The following PTPRD variants were observed in gnomAD, a reference collection of about 807,000 sequenced individuals.
PTPRD encodes the protein receptor-type tyrosine-protein phosphatase delta.
In PTPRD, 34 loss-of-function variants were observed where a neutral mutation model predicts 214.5. The ratio of observed to expected loss-of-function variants is 0.16; its 90% CI spans 0.12 to 0.21. The LOEUF (loss-of-function observed/expected upper bound fraction) is 0.21, where lower values mean the gene tolerates loss of function less well. Among genes scored for constraint, PTPRD ranks in the 10% least tolerant of loss-of-function variants. PTPRD has a pLI of 1.00. For synonymous variants in PTPRD, 1,128 were observed against 845.7 expected (o/e 1.33, Z -5.79); for missense variants, 2,545 against 2,398.7 (o/e 1.06, Z -1.27).
chr9:8,581,972 A>G (rs1206868963), intron 14 of PTPRD, among the ~76,000 whole-genome samples: 2 of 151,238 alleles, frequency 1.3e-5, no homozygotes, highest in Admixed American at 6.6e-5. Context: ...AGAGCTATAG[A>G]TAATTTACAA....
At chr9:9,718,636 A>C (rs528450757) in intron 7 of PTPRD, among the ~76,000 whole-genome samples, 1 of 152,216 alleles carries the variant, frequency 6.6e-6, no homozygotes. Context: ...CCCTGCTCCA[A>C]GCACCTGCTC....
intron 5 of PTPRD, among the ~76,000 whole-genome samples, chr9:9,809,064 G>A (rs924627718): frequency 3.3e-5 from 5 of 151,704 alleles, no homozygotes; most frequent in South Asian, 2.1e-4. Context: ...AGGATTACAG[G>A]CAGAAGCCTC....
chr9:10,603,757 C>T (rs2078568450), intron 2 of PTPRD, among the ~76,000 whole-genome samples: 1 of 151,600 alleles, frequency 6.6e-6, no homozygotes, highest in African/African-American at 2.4e-5. Flanking sequence ...ACTCATGAGG[C>T]AGTATATAAG....
chr9:10,502,953 T>C (rs1300112765), intron 2 of PTPRD, among the ~76,000 whole-genome samples: 1 of 152,040 alleles, frequency 6.6e-6, no homozygotes, highest in African/African-American at 2.4e-5. Context: ...TCAGTATCTG[T>C]ATTCTTTCCA....
At chr9:9,411,280 T>A (rs1273814651) in intron 8 of PTPRD, among the ~76,000 whole-genome samples, 2 of 149,196 alleles carry the variant, frequency 1.3e-5, no homozygotes, top group Non-Finnish European at 3.0e-5. Context: ...TTTTTTACGA[T>A]AATTAAGGCA....
chr9:10,196,975 C>T (rs1370663444), intron 3 of PTPRD, among the ~76,000 whole-genome samples: 1 of 152,138 alleles, frequency 6.6e-6, no homozygotes, highest in East Asian at 1.9e-4. Flanking sequence ...TCATCGGAAC[C>T]TGACCATGCT....
intron 5 of PTPRD, among the ~76,000 whole-genome samples, chr9:9,927,527 T>G (rs563841378): frequency 6.6e-6 from 1 of 152,242 alleles, no homozygotes; most frequent in South Asian, 2.1e-4. Flanking sequence ...TACTGGTCTG[T>G]CTTCTGGAAA....
intron 9 of PTPRD, among the ~76,000 whole-genome samples, chr9:9,258,257 A>C (rs911607372): frequency 2.0e-5 from 3 of 151,944 alleles, no homozygotes; most frequent in African/African-American, 7.2e-5. Flanking sequence ...TAGTGAAATT[A>C]AACATACTAT....
At chr9:8,873,459 A>G (rs936180836) in intron 11 of PTPRD, among the ~76,000 whole-genome samples, 2 of 152,330 alleles carry the variant, frequency 1.3e-5, no homozygotes, top group African/African-American at 2.4e-5. Flanking sequence ...GTATACCCCT[A>G]GTTTCTAGGA....
chr9:8,332,901 A>G (rs772282921), intron 43 of PTPRD, among the ~76,000 whole-genome samples: 1 of 152,154 alleles, frequency 6.6e-6, no homozygotes, highest in South Asian at 2.1e-4. Flanking sequence ...CTGTTAACAC[A>G]TTATTTCCTC....
At chr9:10,442,704 G>T (rs541434081) in intron 2 of PTPRD, among the ~76,000 whole-genome samples, 4 of 151,588 alleles carry the variant, frequency 2.6e-5, no homozygotes, top group African/African-American at 9.6e-5. Flanking sequence ...CATTTACAAG[G>T]GGAAAACAAG....
intron 11 of PTPRD, among the ~76,000 whole-genome samples, chr9:8,820,958 C>T (rs1487077485): frequency 6.6e-6 from 1 of 152,078 alleles, no homozygotes; most frequent in Admixed American, 6.6e-5. Context: ...AAACACAGTC[C>T]CAATTCAGAA....
chr9:9,522,498 AC>A (rs751525884), intron 8 of PTPRD, among the ~76,000 whole-genome samples: 42 of 152,134 alleles, frequency 2.8e-4, no homozygotes, highest in Non-Finnish European at 4.9e-4. Flanking sequence ...TTGACAGACA[AC>A]CCCCAAAAAG....
intron 2 of PTPRD, among the ~76,000 whole-genome samples, chr9:10,476,028 ACTG>A (rs1252947754): frequency 2.6e-5 from 4 of 152,182 alleles, no homozygotes; most frequent in Non-Finnish European, 4.4e-5. Flanking sequence ...CCAATATCAT[ACTG>A]AATGGGGAAA....
chr9:9,025,017 G>A (rs2099582280), intron 10 of PTPRD, among the ~76,000 whole-genome samples: 1 of 151,824 alleles, frequency 6.6e-6, no homozygotes, highest in Non-Finnish European at 1.5e-5. Context: ...ATTCCAATTT[G>A]AATCAATGTT....
chr9:9,176,283 G>C (rs556241222), intron 10 of PTPRD, among the ~76,000 whole-genome samples: 2 of 152,198 alleles, frequency 1.3e-5, no homozygotes, highest in African/African-American at 4.8e-5. Flanking sequence ...CTAGAAAGAG[G>C]TATCTAACTT....
At chr9:9,765,295 C>T (rs1218739366) in intron 6 of PTPRD, among the ~76,000 whole-genome samples, 1 of 151,998 alleles carries the variant, frequency 6.6e-6, no homozygotes, top group Non-Finnish European at 1.5e-5. Context: ...ATGTTTTGGG[C>T]CAAATAAAAA....
At chr9:10,231,876 T>G (rs2099611308) in intron 3 of PTPRD, among the ~76,000 whole-genome samples, 1 of 151,650 alleles carries the variant, frequency 6.6e-6, no homozygotes, top group Non-Finnish European at 1.5e-5. Context: ...GGATCTCTCA[T>G]GAATATCTTA....
At chr9:9,041,034 C>G (rs1264380342) in intron 10 of PTPRD, among the ~76,000 whole-genome samples, 1 of 152,018 alleles carries the variant, frequency 6.6e-6, no homozygotes, top group Non-Finnish European at 1.5e-5. Flanking sequence ...TTTCAGATGA[C>G]AAATTGTAGG....
Sources: allele counts gnomAD v4.1 joint callset (sites outside exome capture counted in the v4.1 genomes callset), GRCh38; gene constraint gnomAD v4.1.1; transcripts MANE v1.5; gene names NCBI Gene and HGNC (gene_info 2026-07-23, HGNC 2026-07-21).